RAD51B: variants seen among roughly 807,000 people sequenced by gnomAD.
RAD51B encodes the protein RAD51 paralog B, also known as DNA repair protein RAD51 homolog 2.
RAD51B carries 38 observed loss-of-function variants against 42.2 expected under a neutral mutation model. The observed-to-expected ratio is 0.90, with a 90% CI of 0.70 to 1.18. RAD51B has a LOEUF of 1.18. Among genes scored for constraint, RAD51B ranks in the 50% most tolerant of loss-of-function variants. The probability of loss-of-function intolerance (pLI) is 0.00; values close to 1 mark genes in which losing one functional copy is unlikely to be tolerated. For missense variants in RAD51B, 373 were observed against 400.7 expected (o/e 0.93, Z 0.59); for synonymous variants, 154 against 145.2 (o/e 1.06, Z -0.43).
downstream of RAD51B, among the ~76,000 whole-genome samples, chr14:68,597,283 G>A (rs1012728354): frequency 4.6e-5 from 7 of 152,314 alleles, no homozygotes; most frequent in Non-Finnish European, 8.8e-5. Flanking sequence ...GGCCAGATCA[G>A]TCCCAACACT....
In RAD51B at chr14:68,042,232, G is replaced by A. The variant is rs1418390789; in HGVS notation, c.756+155028G>A. Reference sequence around the variant, plus strand: ...GTTTATTCAGTCTCCAAGATGATTAGTTATTTGAGATGAGTAGAAGTTGCA... The same window carrying A: ...GTTTATTCAGTCTCCAAGATGATTAATTATTTGAGATGAGTAGAAGTTGCA... On this transcript the variant is annotated intron_variant, in intron 7 of 10. Coordinates refer to ENST00000471583, the MANE Select transcript of RAD51B (RefSeq NM_133510.4). Among the ~76,000 whole-genome samples the A allele has an allele frequency of 2.6e-5, 4 of 152,258 alleles. 1 individual carries two copies. The South Asian group carries it at 6.2e-4, about 24-fold the overall frequency.
At chr14:67,917,972 T>C (rs940080509) in intron 7 of RAD51B, among the ~76,000 whole-genome samples, 4 of 152,054 alleles carry the variant, frequency 2.6e-5, no homozygotes, top group Non-Finnish European at 5.9e-5. Flanking sequence ...AGAGAATAAA[T>C]TGCTACATGA....
chr14:68,066,973 G>GA (rs1438043734), intron 7 of RAD51B, among the ~76,000 whole-genome samples: 1 of 151,970 alleles, frequency 6.6e-6, no homozygotes, highest in African/African-American at 2.4e-5. Context: ...AACAAAATGG[G>GA]AAAAAATGGA....
chr14:68,449,954 G>C (rs191359441), intron 9 of RAD51B, among the ~76,000 whole-genome samples: 96 of 152,272 alleles, frequency 6.3e-4, no homozygotes, highest in African/African-American at 1.9e-3. Flanking sequence ...ATAGTAATTA[G>C]GCAGAGCTCT....
chr14:68,388,962 T>A (rs1439816415), intron 8 of RAD51B, among the ~76,000 whole-genome samples: 1 of 152,202 alleles, frequency 6.6e-6, no homozygotes, highest in Non-Finnish European at 1.5e-5. Flanking sequence ...AAATTTGTAT[T>A]TCTCTTCCCA....
chr14:68,523,922 G>C (rs1886756488), intron 10 of RAD51B, among the ~76,000 whole-genome samples: 1 of 152,218 alleles, frequency 6.6e-6, no homozygotes, highest in African/African-American at 2.4e-5. Context: ...TGTCTGTCGT[G>C]CTCAAAATGG....
At chr14:68,469,774 A>G (rs764197057) in intron 10 of RAD51B, among the ~76,000 whole-genome samples, 7 of 152,246 alleles carry the variant, frequency 4.6e-5, no homozygotes, top group East Asian at 3.8e-4. Flanking sequence ...AAGAAATTCT[A>G]TGGAAGATTA....
At chr14:68,236,092 AACT>A (rs1014867225) in intron 7 of RAD51B, among the ~76,000 whole-genome samples, 4 of 152,128 alleles carry the variant, frequency 2.6e-5, no homozygotes, top group African/African-American at 9.7e-5. Context: ...ATGATAGAAA[AACT>A]TCCTATCAGA....
At chr14:68,413,170 C>T (rs1359412065) in intron 9 of RAD51B, among the ~76,000 whole-genome samples, 1 of 152,136 alleles carries the variant, frequency 6.6e-6, no homozygotes, top group Non-Finnish European at 1.5e-5. Flanking sequence ...TTTTACTTTT[C>T]TTTTGTTTTA....
At chr14:68,285,623 A>C (rs746382573) in intron 7 of RAD51B, among the ~76,000 whole-genome samples, 1 of 152,120 alleles carries the variant, frequency 6.6e-6, no homozygotes, top group Non-Finnish European at 1.5e-5. Flanking sequence ...GGCCCAGTTA[A>C]AGTGATTTTG....
At chr14:68,555,131 C>T (rs1329878590) in intron 10 of RAD51B, among the ~76,000 whole-genome samples, 1 of 152,196 alleles carries the variant, frequency 6.6e-6, no homozygotes, top group African/African-American at 2.4e-5. Flanking sequence ...CAGGCATGAG[C>T]TACCGTGCCC....
At chr14:68,601,588 C>T (rs541047995) in intron 10 of RAD51B, among the ~76,000 whole-genome samples, 2 of 152,180 alleles carry the variant, frequency 1.3e-5, no homozygotes, top group Non-Finnish European at 2.9e-5. Context: ...ATCAGGCCTG[C>T]ATATGTTGAT....
rs141072572 is a variant in RAD51B, at chr14:68,313,084, G to T, written c.853+21104G>T. Among the ~76,000 whole-genome samples, 1,146 of 152,272 alleles carry T rather than the reference G, an allele frequency of 7.5e-3. 9 individuals carry two copies. The highest frequency in any genetic ancestry group is 0.012 in the Non-Finnish European group (785 of 68,016). ...GAAAGGGTACGATATGAATTTTGAG[G>T]TTTTTGCTGCTTCTTATGCAAAACA... On this transcript the variant is annotated intron_variant, in intron 8 of 10. Transcript: ENST00000471583.
At chr14:67,903,138 G>A (rs988556542) in intron 7 of RAD51B, among the ~76,000 whole-genome samples, 3 of 152,126 alleles carry the variant, frequency 2.0e-5, no homozygotes, top group East Asian at 1.9e-4. Context: ...GATTACAGGC[G>A]TGAGCCACCG....
intron 7 of RAD51B, among the ~76,000 whole-genome samples, chr14:68,157,616 C>G (rs2078540923): frequency 6.6e-6 from 1 of 152,184 alleles, no homozygotes; most frequent in Non-Finnish European, 1.5e-5. Flanking sequence ...GCTTAACTAC[C>G]AGTTCACTGT....
chr14:68,053,625 C>CT (rs929741207), intron 7 of RAD51B, among the ~76,000 whole-genome samples: 37 of 152,302 alleles, frequency 2.4e-4, no homozygotes, highest in African/African-American at 8.2e-4. Context: ...CCAGCTAAGC[C>CT]TTTAACTCTG....
intron 7 of RAD51B, among the ~76,000 whole-genome samples, chr14:68,258,154 C>T (rs566067326): frequency 6.6e-6 from 1 of 152,166 alleles, no homozygotes; most frequent in Admixed American, 6.5e-5. Context: ...GTAATCCCAG[C>T]ACTTTGGGAG....
intron 4 of RAD51B, among the ~76,000 whole-genome samples, chr14:67,854,035 C>G (rs913974504): frequency 6.6e-6 from 1 of 152,180 alleles, no homozygotes; most frequent in East Asian, 1.9e-4. Context: ...ATGTGGAGAT[C>G]AAATCAGTTC....
Position 67,887,146 on chromosome 14 carries a change from A to G in RAD51B, c.698A>G (p.Lys233Arg). The change falls in exon 7 of 11, where the codon AAG becomes AGG. Residue 233 changes from lysine to arginine, a missense_variant. Physicochemically the swap from Lys to Arg is conservative, Grantham distance 26. Coordinates refer to ENST00000471583, the MANE Select transcript of RAD51B (RefSeq NM_133510.4). ...QLQGNLKERN[K>R]FLAREASSLK... is the part of the protein sequence containing the mutation. ...CAAGGCAATCTCAAAGAAAGAAACA[A>G]GTTCTTGGCAAGAGAGGCATCCTCC... is the stretch of plus-strand genomic sequence containing the variant. The G allele has an allele frequency of 1.2e-6, 2 of 1,612,306 alleles. No individual in the cohort carries two copies. The highest frequency in any genetic ancestry group is 1.7e-6 in the Non-Finnish European group (2 of 1,178,872).
Sources: allele counts gnomAD v4.1 joint callset (sites outside exome capture counted in the v4.1 genomes callset), GRCh38; gene constraint gnomAD v4.1.1; transcripts MANE v1.5; gene names NCBI Gene and HGNC (gene_info 2026-07-23, HGNC 2026-07-21).